The following NEURL3 variants were observed in gnomAD, a reference collection of about 807,000 sequenced individuals.
NEURL3 encodes the protein E3 ubiquitin-protein ligase NEURL3.
A neutral mutation model predicts 17.6 loss-of-function variants in NEURL3; 19 were observed. The ratio of observed to expected loss-of-function variants is 1.08; its 90% CI spans 0.75 to 1.58. The LOEUF (loss-of-function observed/expected upper bound fraction) is 1.58. Among genes scored for constraint, NEURL3 ranks in the 40% most tolerant of loss-of-function variants. NEURL3 has a pLI of 0.00. For synonymous variants in NEURL3, 180 were observed against 161.4 expected (o/e 1.11, Z -0.87); for missense variants, 342 against 379.6 (o/e 0.90, Z 0.82).
upstream of NEURL3, among the ~76,000 whole-genome samples, chr2:96,505,726 A>C (rs2065555724): frequency 6.6e-6 from 1 of 152,250 alleles, no homozygotes; most frequent in East Asian, 1.9e-4. Flanking sequence ...GATGATTCTA[A>C]TGTACAGCCA....
chr2:96,500,603 G>A lies in NEURL3; in HGVS notation c.350C>T (p.Ala117Val), dbSNP rs1381940136. ...GAAGCGGACCAAGTCCCCAGTGAGC[G>A]CGCAGCCCTCAGGCAGCACGGCCGC... ...TWAAVLPEGC[A>V]LTGDLVRFWV... Residue 117 changes from alanine to valine, a missense_variant, in exon 2 of 4, where the codon GCG becomes GTG. Physicochemically the swap from Ala to Val is moderately conservative, Grantham distance 64 (BLOSUM62 0). Coordinates refer to ENST00000451794, the MANE Select transcript of NEURL3 (RefSeq NM_001285485.2). 4 of 1,526,390 alleles carry A rather than the reference G, an allele frequency of 2.6e-6. No individual in the cohort carries two copies. The highest frequency in any genetic ancestry group is 2.4e-5 in the South Asian group (2 of 82,358). The allele number at this position is 1,526,390 out of a possible 1,614,324, so 94.6% of individuals were successfully genotyped here. A position where few individuals can be genotyped will look rare whatever the true frequency, so the allele number is the denominator to read the frequency against.
At chr2:96,500,356 TC>T (rs1286998257) in intron 2 of NEURL3, 82 bp downstream of exon 2, 55 of 1,557,478 alleles carry the variant, frequency 3.5e-5, no homozygotes, top group Non-Finnish European at 4.8e-5. Flanking sequence ...TGAACGTTCT[TC>T]CTGTGGCTCT....
intron 1 of NEURL3, among the ~76,000 whole-genome samples, chr2:96,502,769 G>A (rs1257012353): frequency 6.6e-6 from 1 of 152,230 alleles, no homozygotes; most frequent in Non-Finnish European, 1.5e-5. Flanking sequence ...ATGGTGGCCG[G>A]CATCCGAGCC....
At chr2:96,505,388 G>A, upstream of NEURL3, 4 of 1,129,602 alleles carry the variant, frequency 3.5e-6, no homozygotes, top group Non-Finnish European at 5.3e-6. Flanking sequence ...GCTTTTTATG[G>A]GCCAGAGATC....
chr2:96,498,352 G>A lies in NEURL3; in HGVS notation c.681C>T (p.Ala227=). 6.3e-7 allele frequency: 1 copy of A among 1,599,400 alleles called. No individual in the cohort carries two copies. The highest frequency in any genetic ancestry group is 8.5e-7 in the Non-Finnish European group (1 of 1,179,770). The change falls in exon 4 of 4, where the codon GCC becomes GCT. Residue 227 remains alanine, a synonymous_variant. Coordinates refer to ENST00000451794, the MANE Select transcript of NEURL3 (RefSeq NM_001285485.2). The surrounding 1 kb of genome is among the most constrained non-coding windows in gnomAD (Gnocchi z 4.4). Reference sequence around the variant, plus strand: ...TGGCCGTATCGCTGAAGACCCGCCAGGCACAGTATCTGCAGAAGTATGTGT... The same window carrying A: ...TGGCCGTATCGCTGAAGACCCGCCAAGCACAGTATCTGCAGAAGTATGTGT... The part of the protein sequence containing the change: ...CGHTYFCRYC[A]WRVFSDTAKC...
chr2:96,500,887 G>T lies in NEURL3; in HGVS notation c.66C>A (p.Ala22=). 1 of 1,560,202 alleles carries T rather than the reference G, an allele frequency of 6.4e-7. No homozygotes were observed. Among genetic ancestry groups the T allele is most frequent in the Non-Finnish European group, 8.6e-7 (1 of 1,162,014 alleles). The change falls in exon 2 of 4, where the codon GCC becomes GCA. Residue 22 remains alanine (A), a synonymous_variant. Transcript: ENST00000451794. ...GACGCACCTGTGCGCCCTTGGCCTCGGCATGGAAGCGAAGTGCCTCTCGGG... is the reference window on the plus strand; with the variant it reads ...GACGCACCTGTGCGCCCTTGGCCTCTGCATGGAAGCGAAGTGCCTCTCGGG... ...KAPREALRFH[A]EAKGAQVRLD...
At chr2:96,502,194 C>T (rs771074058) in intron 1 of NEURL3, among the ~76,000 whole-genome samples, 8 of 152,194 alleles carry the variant, frequency 5.3e-5, no homozygotes, top group African/African-American at 1.9e-4. Flanking sequence ...GCGCCCCGCC[C>T]GTGCCTTCCC....
intron 3 of NEURL3, 86 bp downstream of exon 3, chr2:96,499,292 G>T: frequency 6.4e-7 from 1 of 1,552,336 alleles, no homozygotes; most frequent in South Asian, 1.2e-5. Flanking sequence ...AGACTTGAAT[G>T]AACAACCAGT....
In NEURL3 at chr2:96,498,190, G is replaced by A. The variant is rs2065461961; in HGVS notation, c.*54C>T. 1 of 1,452,398 alleles carries A rather than the reference G, an allele frequency of 6.9e-7. No individual in the cohort carries two copies. Among genetic ancestry groups the A allele is most frequent in the African/African-American group, 1.4e-5 (1 of 70,908 alleles). The allele number at this position is 1,452,398 out of a possible 1,614,324, so 90.0% of individuals were successfully genotyped here. A position where few individuals can be genotyped will look rare whatever the true frequency, so the allele number is the denominator to read the frequency against. ...GGGCTGCGCCTCCTTCCTCTCTGCA[G>A]GGGCCAGACTCAGATCTAGGCCCGG... On this transcript the variant is annotated 3_prime_UTR_variant, in exon 4 of 4. Transcript: ENST00000451794. The surrounding 1 kb of genome is among the most constrained non-coding windows in gnomAD (Gnocchi z 4.4).
intron 1 of NEURL3, 96 bp downstream of exon 1, chr2:96,505,163 A>G: frequency 6.8e-7 from 1 of 1,463,720 alleles, no homozygotes; most frequent in African/African-American, 1.4e-5. Context: ...CTTTACACTG[A>G]CCACATCTCT....
Position 96,498,184 on chromosome 2 carries a change from T to C in NEURL3, c.*60A>G. The stretch of plus-strand genomic sequence containing the variant: ...AAGGTAGGGCTGCGCCTCCTTCCTC[T>C]CTGCAGGGGCCAGACTCAGATCTAG... On this transcript the variant is annotated 3_prime_UTR_variant, in exon 4 of 4. Coordinates refer to ENST00000451794, the MANE Select transcript of NEURL3 (RefSeq NM_001285485.2). The surrounding 1 kb of genome is among the most constrained non-coding windows in gnomAD (Gnocchi z 4.4). 6.9e-7 allele frequency: 1 copy of C among 1,438,932 alleles called. No homozygotes were observed. The highest frequency in any genetic ancestry group is 2.5e-5 in the East Asian group (1 of 39,574). 89.1% of individuals were successfully genotyped at this position (1,438,932 alleles called of 1,614,324 possible).
chr2:96,505,335 T>A lies in NEURL3; in HGVS notation c.-49A>T. Reference sequence around the variant, plus strand: ...GTCCCCAGGTCTAGAAGGAACTGCCTGGAGAAGGCCAGTGGACAGGTTACC... The same window carrying A: ...GTCCCCAGGTCTAGAAGGAACTGCCAGGAGAAGGCCAGTGGACAGGTTACC... On this transcript the variant is annotated 5_prime_UTR_variant, in exon 1 of 4. Coordinates refer to ENST00000451794, the MANE Select transcript of NEURL3 (RefSeq NM_001285485.2). 1.3e-6 allele frequency: 2 copies of A among 1,593,108 alleles called. No individual in the cohort carries two copies. The highest frequency in any genetic ancestry group is 1.7e-6 in the Non-Finnish European group (2 of 1,174,538).
chr2:96,501,798 C>A (rs571247919), intron 1 of NEURL3, among the ~76,000 whole-genome samples: 1 of 152,158 alleles, frequency 6.6e-6, no homozygotes, highest in Non-Finnish European at 1.5e-5. Context: ...TGCCCCTCCC[C>A]TCCTGGTCCT....
upstream of NEURL3, chr2:96,505,464 A>G: frequency 1.5e-6 from 1 of 650,116 alleles, no homozygotes. Context: ...GGGATTTCCC[A>G]GTGATTTCTC....
Position 96,500,264 on chromosome 2 carries a change from C to A in NEURL3, c.514+175G>T, listed in dbSNP as rs951352615. On this transcript the variant is annotated intron_variant, in intron 2 of 3. Transcript: ENST00000451794. Reference sequence around the variant, plus strand: ...TTTAGGGACAAGACTGCCCTCCCTACGACTGAGCCTTGTCTATCTGGCGTC... The same window carrying A: ...TTTAGGGACAAGACTGCCCTCCCTAAGACTGAGCCTTGTCTATCTGGCGTC... The A allele has an allele frequency of 1.2e-5, 11 of 883,166 alleles. No homozygotes were observed. The African/African-American group carries it at 1.3e-4, about 11-fold the overall frequency. 54.7% of individuals were successfully genotyped at this position (883,166 alleles called of 1,614,324 possible).
In NEURL3 at chr2:96,500,530, G is replaced by C; in HGVS notation, c.423C>G (p.Cys141Trp). The change falls in exon 2 of 4, where the codon TGC (cysteine) becomes TGG (tryptophan). Residue 141 changes from cysteine (C) to tryptophan (W), a missense_variant. Coordinates refer to ENST00000451794, the MANE Select transcript of NEURL3 (RefSeq NM_001285485.2). ...GCACGCCCTCACGCAGCAGGAGCCG[G>C]CAGCCGGCGTTGACCTTGGCGAAGA... ...GCLFAKVNAG[C>W]RLLLREGVPV... The C allele has an allele frequency of 6.3e-7, 1 of 1,579,332 alleles. No homozygotes were observed.
chr2:96,505,124 C>A, intron 1 of NEURL3, 135 bp downstream of exon 1: 1 of 999,108 alleles, frequency 1.0e-6, no homozygotes, highest in South Asian at 1.6e-5. Context: ...CTCAACTTGG[C>A]AGAACTGGGA....
chr2:96,500,163 G>A (rs943117408), intron 2 of NEURL3: 11 of 483,346 alleles, frequency 2.3e-5, no homozygotes, highest in Non-Finnish European at 4.1e-5. Context: ...TTCTTCCTTT[G>A]TAAAAGGAGA....
chr2:96,502,824 G>GCAGA (rs992236839), intron 1 of NEURL3, among the ~76,000 whole-genome samples: 1 of 152,256 alleles, frequency 6.6e-6, no homozygotes, highest in African/African-American at 2.4e-5. Context: ...ATCCTAAGAG[G>GCAGA]CAGACAGTGG....
Sources: allele counts gnomAD v4.1 joint callset (sites outside exome capture counted in the v4.1 genomes callset), GRCh38; gene constraint gnomAD v4.1.1; non-coding constraint Gnocchi (gnomAD v3.1); transcripts MANE v1.5; gene names NCBI Gene and HGNC (gene_info 2026-07-23, HGNC 2026-07-21).